The following AJAP1 variants were observed in gnomAD, a reference collection of about 807,000 sequenced individuals.
AJAP1 encodes the protein adherens junction-associated protein 1.
In AJAP1, 5 loss-of-function variants were observed where a neutral mutation model predicts 35.0. The observed-to-expected ratio is 0.14, with a 90% CI of 0.07 to 0.30. The LOEUF is 0.30. AJAP1 is among the 10% of genes least tolerant of loss of function. The probability of loss-of-function intolerance (pLI) is 1.00; values close to 1 mark genes in which losing one functional copy is unlikely to be tolerated. For synonymous variants in AJAP1, 284 were observed against 249.3 expected, an observed-to-expected ratio of 1.14 and a Z score of -1.31; for missense variants, 586 against 571.0, an observed-to-expected ratio of 1.03 and a Z score of -0.27.
At chr1:4,675,978 C>G (rs746291060) in intron 1 of AJAP1, among the ~76,000 whole-genome samples, 1 of 152,214 alleles carries the variant, frequency 6.6e-6, no homozygotes, top group African/African-American at 2.4e-5. Context: ...GGGGCTGGGA[C>G]GCCCACGTTT....
chr1:4,724,922 G>T (rs113939811), intron 2 of AJAP1, among the ~76,000 whole-genome samples: 2,886 of 152,318 alleles, frequency 0.019, 86 homozygotes, highest in African/African-American at 0.064. Context: ...GGGAGGTACA[G>T]TTCTCCACAA....
chr1:4,688,838 A>ACC (rs1478102155), intron 1 of AJAP1, among the ~76,000 whole-genome samples: 2 of 151,132 alleles, frequency 1.3e-5, no homozygotes, highest in African/African-American at 2.4e-5. Context: ...CATGGCGATG[A>ACC]CCCCATACTC....
At chr1:4,726,888 G>A (rs887545742) in intron 2 of AJAP1, among the ~76,000 whole-genome samples, 6 of 152,196 alleles carry the variant, frequency 3.9e-5, no homozygotes, top group East Asian at 1.9e-4. Flanking sequence ...AAACAGGCAC[G>A]GAAGAGCTTC....
rs1639753469 is a variant in AJAP1, at chr1:4,692,132, A to G, written c.30-19768A>G. Among the ~76,000 whole-genome samples the G allele has an allele frequency of 6.6e-6, 1 of 152,054 alleles. No individual in the cohort carries two copies. The highest frequency in any genetic ancestry group is 1.5e-5 in the Non-Finnish European group (1 of 67,996). The stretch of plus-strand genomic sequence containing the variant: ...CCCTGCGTGGATCTATTATCTCTGC[A>G]TCGTTGCCGCCTTCTCGAGGGTTAG... On this transcript the variant is annotated intron_variant, in intron 1 of 5. Transcript: ENST00000378191. The surrounding 1 kb of genome is among the most constrained non-coding windows in gnomAD (Gnocchi z 4.4).
chr1:4,664,907 A>C (rs1639082337), intron 1 of AJAP1, among the ~76,000 whole-genome samples: 1 of 152,140 alleles, frequency 6.6e-6, no homozygotes, highest in Non-Finnish European at 1.5e-5. Flanking sequence ...CGATATATAT[A>C]AAAGATTCAG....
intron 1 of AJAP1, among the ~76,000 whole-genome samples, chr1:4,696,492 C>T (rs906126717): frequency 1.3e-5 from 2 of 152,246 alleles, no homozygotes; most frequent in African/African-American, 4.8e-5. Flanking sequence ...TACAGTGCTT[C>T]ATCCCCATGC....
At chr1:4,707,977 T>TG (rs1640138294) in intron 1 of AJAP1, among the ~76,000 whole-genome samples, 1 of 149,566 alleles carries the variant, frequency 6.7e-6, no homozygotes. Flanking sequence ...TTTTTTTGTT[T>TG]TTTTTTTTTG....
Position 4,774,571 on chromosome 1 carries a change from C to G in AJAP1, c.*59+13C>G. ...TGTCTGTTTCACGGTAGGTACCTCT[C>G]TTTGGACATTCCTGTTTTCGTTCCC... On this transcript the variant is annotated intron_variant, in intron 5 of 5. Coordinates refer to ENST00000378191, the MANE Select transcript of AJAP1 (RefSeq NM_018836.4). The G allele has an allele frequency of 6.9e-7, 1 of 1,453,220 alleles. No individual in the cohort carries two copies. Among genetic ancestry groups the G allele is most frequent in the Non-Finnish European group, 9.6e-7 (1 of 1,038,114 alleles). 90.0% of individuals were successfully genotyped at this position (1,453,220 alleles called of 1,614,324 possible). A position where few individuals can be genotyped will look rare whatever the true frequency, so the allele number is the denominator to read the frequency against.
chr1:4,769,980 C>T, intron 3 of AJAP1, 40 bp downstream of exon 3: 1 of 1,539,502 alleles, frequency 6.5e-7, no homozygotes, highest in Non-Finnish European at 9.0e-7. Context: ...AAATGGGGGA[C>T]TACCGGGGTC....
chr1:4,725,098 C>T (rs954489199), intron 2 of AJAP1, among the ~76,000 whole-genome samples: 6 of 152,220 alleles, frequency 3.9e-5, no homozygotes, highest in African/African-American at 1.4e-4. Context: ...GAGCTGGAAG[C>T]ACCTGGGGCG....
chr1:4,748,713 A>G (rs928956348), intron 2 of AJAP1, among the ~76,000 whole-genome samples: 6 of 142,022 alleles, frequency 4.2e-5, no homozygotes, highest in African/African-American at 8.0e-5. Flanking sequence ...GTGCCACTGC[A>G]CCCCAGCCTG....
intron 1 of AJAP1, among the ~76,000 whole-genome samples, chr1:4,671,763 A>G (rs1018305748): frequency 6.6e-6 from 1 of 152,170 alleles, no homozygotes; most frequent in African/African-American, 2.4e-5. Flanking sequence ...GCTTTTGTAA[A>G]TCCAAAGACT....
intron 2 of AJAP1, among the ~76,000 whole-genome samples, chr1:4,715,223 T>TG (rs1196686325): frequency 6.6e-6 from 1 of 152,228 alleles, no homozygotes; most frequent in Non-Finnish European, 1.5e-5. Flanking sequence ...GAAGTGGTCT[T>TG]GGGGACTCCA....
intron 1 of AJAP1, among the ~76,000 whole-genome samples, chr1:4,703,462 A>G (rs1454312276): frequency 1.3e-5 from 2 of 152,100 alleles, no homozygotes; most frequent in Non-Finnish European, 2.9e-5. Context: ...GGGGAAAGGG[A>G]TGGAAGTCTA....
In AJAP1 at chr1:4,774,376, T is replaced by C. The variant is rs370397405; in HGVS notation, c.1164-51T>C. 901 of 1,555,302 alleles carry C rather than the reference T, an allele frequency of 5.8e-4. 3 individuals carry two copies. In the African/African-American group the frequency reaches 0.01, roughly 18 times the overall value. ...GGCCTGCCCCGGCTTGCCTATCATG[T>C]GTCATGGTCAAGTACCAGCACGCCA... is the stretch of plus-strand genomic sequence containing the variant. On this transcript the variant is annotated intron_variant, in intron 4 of 5. Transcript: ENST00000378191.
At chr1:4,674,256 G>C (rs923889871) in intron 1 of AJAP1, among the ~76,000 whole-genome samples, 2 of 152,100 alleles carry the variant, frequency 1.3e-5, no homozygotes, top group African/African-American at 4.8e-5. Context: ...CTAGGTCAGG[G>C]GTTGGCACAC....
Position 4,655,406 on chromosome 1 carries a change from C to G in AJAP1, c.-20C>G, listed in dbSNP as rs759925285. The G allele has an allele frequency of 6.4e-7, 1 of 1,558,242 alleles. No individual in the cohort carries two copies. Among genetic ancestry groups the G allele is most frequent in the African/African-American group, 1.4e-5 (1 of 70,670 alleles). On this transcript the variant is annotated 5_prime_UTR_variant, in exon 1 of 6. Transcript: ENST00000378191. This position sits in a 1 kb window ranked among gnomAD's most constrained non-coding sequence, Gnocchi z 6.9. ...GCCTGGGCGAGCCAGGTCTGAGGCC[C>G]CGCTCCCCGAAACGTGACCATGTGG...
intron 2 of AJAP1, among the ~76,000 whole-genome samples, chr1:4,748,312 CA>C (rs1374672916): frequency 6.6e-6 from 1 of 152,194 alleles, no homozygotes; most frequent in African/African-American, 2.4e-5. Flanking sequence ...GGGTGTGTTA[CA>C]TGCATGATCT....
intron 1 of AJAP1, among the ~76,000 whole-genome samples, chr1:4,667,580 G>A (rs1639157873): frequency 6.6e-6 from 1 of 152,230 alleles, no homozygotes; most frequent in Non-Finnish European, 1.5e-5. Context: ...AGTAGGGTTA[G>A]TGCCCCTGGA....
Sources: allele counts gnomAD v4.1 joint callset (sites outside exome capture counted in the v4.1 genomes callset), GRCh38; gene constraint gnomAD v4.1.1; non-coding constraint Gnocchi (gnomAD v3.1); transcripts MANE v1.5; gene names NCBI Gene and HGNC (gene_info 2026-07-23, HGNC 2026-07-21).